HIVEP2: variants seen among roughly 807,000 people sequenced by gnomAD.
The protein encoded by HIVEP2 is transcription factor HIVEP2.
In HIVEP2, 14 loss-of-function variants were observed where a neutral mutation model predicts 180.7. The observed-to-expected ratio is 0.08, with a 90% CI of 0.05 to 0.12. The LOEUF (loss-of-function observed/expected upper bound fraction) is 0.12. Among genes scored for constraint, HIVEP2 ranks in the 10% least tolerant of loss-of-function variants. The pLI, the probability that HIVEP2 is intolerant of heterozygous loss-of-function variation, is 1.00. For synonymous variants in HIVEP2, 1,184 were observed against 1,136.4 expected (o/e 1.04, Z -0.84); for missense variants, 2,579 against 3,008.5 (o/e 0.86, Z 3.34).
At chr6:142,888,541 C>T (rs1436136040) in intron 1 of HIVEP2, among the ~76,000 whole-genome samples, 1 of 152,142 alleles carries the variant, frequency 6.6e-6, no homozygotes, top group African/African-American at 2.4e-5. Flanking sequence ...ATTTCATGGG[C>T]TTATGCTCAT....
At chr6:142,887,109 C>T (rs568124642) in intron 1 of HIVEP2, among the ~76,000 whole-genome samples, 147 of 152,200 alleles carry the variant, frequency 9.7e-4, no homozygotes, top group Admixed American at 1.6e-3. Flanking sequence ...TCATCCCACT[C>T]ATAAATATTG....
At chr6:142,902,614 T>C (rs1352717711) in intron 1 of HIVEP2, among the ~76,000 whole-genome samples, 2 of 152,224 alleles carry the variant, frequency 1.3e-5, no homozygotes, top group Non-Finnish European at 2.9e-5. Flanking sequence ...CACCTCAGTA[T>C]GACATCTTCA....
At chr6:142,843,871 A>G (rs747149654) in intron 1 of HIVEP2, among the ~76,000 whole-genome samples, 4 of 152,232 alleles carry the variant, frequency 2.6e-5, no homozygotes, top group Non-Finnish European at 5.9e-5. Context: ...ATGCATATGT[A>G]TGCCTTTGGT....
At chr6:142,781,715 T>C (rs756991401) in intron 3 of HIVEP2, among the ~76,000 whole-genome samples, 2 of 152,154 alleles carry the variant, frequency 1.3e-5, no homozygotes, top group African/African-American at 2.4e-5. Flanking sequence ...GCCCTCTCCT[T>C]TGGCCACTCT....
At position 142,795,030 on chromosome 6, in the gene HIVEP2, AGT is replaced by A. The variant is rs561637740; in HGVS notation, c.-527-11417_-527-11416del. On this transcript the variant is annotated intron_variant, in intron 2 of 9. Transcript: ENST00000367603. Reference sequence around the variant, plus strand: ...CCTCAAATAAATGTAAACACTAAAGAGTGTGTGTTTGGAACTCTTAATTTGGG... The same window carrying A: ...CCTCAAATAAATGTAAACACTAAAGAGTGTGTTTGGAACTCTTAATTTGGG... Among the ~76,000 whole-genome samples, 386 of 152,248 alleles carry A rather than the reference AGT, an allele frequency of 2.5e-3. 1 individual carries two copies. The highest frequency in any genetic ancestry group is 4.6e-3 in the Non-Finnish European group (316 of 68,008).
intron 1 of HIVEP2, among the ~76,000 whole-genome samples, chr6:142,911,704 A>G (rs1777412236): frequency 6.6e-6 from 1 of 152,302 alleles, no homozygotes; most frequent in Non-Finnish European, 1.5e-5. Flanking sequence ...AAATGAGACA[A>G]CAAGCCATTC....
chr6:142,903,671 C>T (rs1777188757), intron 1 of HIVEP2, among the ~76,000 whole-genome samples: 1 of 152,086 alleles, frequency 6.6e-6, no homozygotes, highest in Admixed American at 6.5e-5. Flanking sequence ...TTAATTCACA[C>T]ACTAATTCTG....
intron 1 of HIVEP2, among the ~76,000 whole-genome samples, chr6:142,891,914 TCTTTATAGAG>T (rs1357748149): frequency 2.6e-5 from 4 of 152,238 alleles, no homozygotes; most frequent in African/African-American, 7.2e-5. Context: ...TGTTTGTTTA[TCTTTATAGAG>T]CCTTAGGCCC....
intron 1 of HIVEP2, among the ~76,000 whole-genome samples, chr6:142,937,004 G>C (rs976590630): frequency 6.6e-6 from 1 of 152,110 alleles, no homozygotes; most frequent in Non-Finnish European, 1.5e-5. Context: ...AAGGCCCCAC[G>C]AGTAATCACT....
intron 1 of HIVEP2, among the ~76,000 whole-genome samples, chr6:142,900,117 G>T (rs1288943504): frequency 6.6e-6 from 1 of 152,192 alleles, no homozygotes; most frequent in Non-Finnish European, 1.5e-5. Flanking sequence ...AATATTCCAT[G>T]TATCTCCTGG....
chr6:142,936,730 G>A lies in HIVEP2; in HGVS notation c.-641+8369C>T, dbSNP rs558515093. The stretch of plus-strand genomic sequence containing the variant: ...TAAGAGAGACCACTATAAAAGCAGA[G>A]ATCCTGTAAACACTGAAAAGTAATG... On this transcript the variant is annotated intron_variant, in intron 1 of 9. Transcript: ENST00000367603. Among the ~76,000 whole-genome samples, 3 of 152,058 alleles carry A rather than the reference G, an allele frequency of 2.0e-5. No homozygotes were observed. In the South Asian group the frequency reaches 6.2e-4, roughly 32 times the overall value.
chr6:142,862,336 T>C (rs1775999980), intron 1 of HIVEP2, among the ~76,000 whole-genome samples: 1 of 151,050 alleles, frequency 6.6e-6, no homozygotes, highest in South Asian at 2.1e-4. Context: ...TTATATATTA[T>C]GTAATACATC....
chr6:142,857,353 C>T (rs187219395), intron 1 of HIVEP2, among the ~76,000 whole-genome samples: 175 of 152,274 alleles, frequency 1.1e-3, no homozygotes, highest in African/African-American at 3.9e-3. Context: ...TCACAACTCC[C>T]GGAAATAACT....
At chr6:142,769,522 C>T (rs1775465540) in intron 5 of HIVEP2, 30 bp downstream of exon 5, 5 of 1,589,578 alleles carry the variant, frequency 3.1e-6, no homozygotes, top group African/African-American at 1.3e-5. Flanking sequence ...ATCCACAATA[C>T]AAAGTTCTTC....
At chr6:142,777,786 G>A (rs2114676932) in intron 3 of HIVEP2, among the ~76,000 whole-genome samples, 1 of 149,962 alleles carries the variant, frequency 6.7e-6, no homozygotes, top group East Asian at 2.0e-4. Context: ...TTCTTAACAT[G>A]AGCATGTTTA....
chr6:142,798,606 C>T (rs1042961775), intron 2 of HIVEP2, among the ~76,000 whole-genome samples: 9 of 152,232 alleles, frequency 5.9e-5, no homozygotes, highest in Non-Finnish European at 1.5e-5. Context: ...CAGTTTTCTG[C>T]CTAACCTACC....
At chr6:142,779,220 T>A (rs1481693919) in intron 3 of HIVEP2, among the ~76,000 whole-genome samples, 2 of 152,174 alleles carry the variant, frequency 1.3e-5, no homozygotes, top group African/African-American at 4.8e-5. Flanking sequence ...GTGCCCAGCT[T>A]GGAAATCATT....
At position 142,774,577 on chromosome 6, in the gene HIVEP2, T is replaced by C. The variant is rs745640866; in HGVS notation, c.162A>G (p.Gln54=). The change falls in exon 5 of 10, where the codon CAA becomes CAG. Residue 54 remains glutamine, a synonymous_variant. Transcript: ENST00000367603. This position sits in a 1 kb window ranked among gnomAD's most constrained non-coding sequence, Gnocchi z 5.1. ...GQRQPQIEPE[Q]IGNTASAQLF... is the part of the protein sequence containing the mutation. ...GTTGTGCTGATGCTGTGTTTCCGATTTGCTCAGGCTCTATTTGTGGTTGCC... is the reference window on the plus strand; with the variant it reads ...GTTGTGCTGATGCTGTGTTTCCGATCTGCTCAGGCTCTATTTGTGGTTGCC... 6.2e-7 allele frequency: 1 copy of C among 1,614,220 alleles called. No individual in the cohort carries two copies. The highest frequency in any genetic ancestry group is 2.2e-5 in the East Asian group (1 of 44,886).
chr6:142,842,799 A>AT (rs74602075), intron 1 of HIVEP2, among the ~76,000 whole-genome samples: 6,843 of 151,560 alleles, frequency 0.045, 366 homozygotes, highest in East Asian at 0.26. Flanking sequence ...TTAGTATAAG[A>AT]TTTTTTTTTA....
Sources: gnomAD v4.1 joint callset for allele counts (sites outside exome capture counted in the v4.1 genomes callset) on GRCh38, gnomAD v4.1.1 for gene constraint, Gnocchi (gnomAD v3.1) non-coding constraint, MANE v1.5 for transcripts, NCBI Gene and HGNC (gene_info 2026-07-23, HGNC 2026-07-21) for gene names.